ABCC9: variants seen among roughly 807,000 people sequenced by gnomAD.
The protein encoded by ABCC9 is ATP binding cassette subfamily C member 9, also known as ATP-binding cassette sub-family C member 9.
Under a neutral mutation model 188.3 loss-of-function variants are expected in ABCC9, and 95 were observed. The ratio of observed to expected loss-of-function variants is 0.50; its 90% CI spans 0.43 to 0.60. The LOEUF (loss-of-function observed/expected upper bound fraction) is 0.60. Ranked by LOEUF, ABCC9 falls within the 20% of genes least tolerant of loss-of-function variation. The probability of loss-of-function intolerance (pLI) is 0.00; values close to 1 mark genes in which losing one functional copy is unlikely to be tolerated. For synonymous variants in ABCC9, 659 were observed against 652.7 expected, an observed-to-expected ratio of 1.01 and a Z score of -0.15; for missense variants, 1,102 against 1,876.3, an observed-to-expected ratio of 0.59 and a Z score of 7.62.
intron 12 of ABCC9, among the ~76,000 whole-genome samples, chr12:21,895,882 T>C (rs758696927): frequency 2.6e-5 from 4 of 152,090 alleles, no homozygotes; most frequent in African/African-American, 4.8e-5. Context: ...ATATGCCTAG[T>C]TGAAATAAGA....
chr12:21,903,724 G>T (rs1947887508), intron 12 of ABCC9, among the ~76,000 whole-genome samples: 1 of 152,026 alleles, frequency 6.6e-6, no homozygotes, highest in South Asian at 2.1e-4. Context: ...AACCTACAAG[G>T]GATATGAAGG....
chr12:21,831,657 A>C (rs1334183652), intron 30 of ABCC9, among the ~76,000 whole-genome samples: 1 of 152,222 alleles, frequency 6.6e-6, no homozygotes, highest in Non-Finnish European at 1.5e-5. Flanking sequence ...CACAAAGGAC[A>C]AGGAAGATAA....
intron 30 of ABCC9, among the ~76,000 whole-genome samples, chr12:21,834,687 A>G (rs11046203): frequency 0.052 from 7,859 of 151,770 alleles, 662 homozygotes; most frequent in African/African-American, 0.17. Flanking sequence ...GTCTTTTTCC[A>G]TCCATCTGTT....
At chr12:21,935,756 C>T (rs1370164357) in intron 3 of ABCC9, among the ~76,000 whole-genome samples, 4 of 151,822 alleles carry the variant, frequency 2.6e-5, no homozygotes, top group East Asian at 1.9e-4. Flanking sequence ...TTTAGATGAG[C>T]GTTGGTAGGC....
chr12:21,857,859 A>T (rs1945304539), intron 22 of ABCC9, among the ~76,000 whole-genome samples: 1 of 152,190 alleles, frequency 6.6e-6, no homozygotes, highest in African/African-American at 2.4e-5. Context: ...AATCTATAGA[A>T]GTATAAGATA....
chr12:21,890,344 A>G (rs1439374713), intron 14 of ABCC9, among the ~76,000 whole-genome samples: 2 of 152,108 alleles, frequency 1.3e-5, no homozygotes, highest in African/African-American at 4.8e-5. Context: ...CTCGAGCTTC[A>G]TGCCTTGATA....
chr12:21,914,900 CTTTT>C (rs377103461), intron 7 of ABCC9, among the ~76,000 whole-genome samples: 5 of 134,990 alleles, frequency 3.7e-5, no homozygotes, highest in Admixed American at 1.5e-4. Flanking sequence ...GCTTTGTGTC[CTTTT>C]TTTTTTTTTT....
At chr12:21,905,373 C>A (rs1947989853) in intron 12 of ABCC9, among the ~76,000 whole-genome samples, 1 of 151,506 alleles carries the variant, frequency 6.6e-6, no homozygotes, top group African/African-American at 2.4e-5. Flanking sequence ...TGTAACAAAC[C>A]TGCACATTGT....
chr12:21,802,191 T>C (rs2137085745), intron 39 of ABCC9, among the ~76,000 whole-genome samples: 1 of 152,324 alleles, frequency 6.6e-6, no homozygotes, highest in South Asian at 2.1e-4. Context: ...TCTGTAAAAT[T>C]ATGGTATAGT....
chr12:21,887,991 G>A, intron 14 of ABCC9, 57 bp from the exon 15 acceptor site: 1 of 1,310,426 alleles, frequency 7.6e-7, no homozygotes, highest in South Asian at 1.2e-5. Flanking sequence ...CACCAACAAA[G>A]TGCTACCTAA....
intron 18 of ABCC9, chr12:21,869,784 TGAGATA>T (rs532015982): frequency 8.5e-5 from 13 of 152,200 alleles, no homozygotes; most frequent in Non-Finnish European, 1.9e-4. Flanking sequence ...TGTAACCGCA[TGAGATA>T]GAGACTTGTC....
intron 17 of ABCC9, 60 bp downstream of exon 17, chr12:21,875,594 T>G (rs1389056425): frequency 7.9e-7 from 1 of 1,259,868 alleles, no homozygotes; most frequent in Admixed American, 1.7e-5. Flanking sequence ...CTCAATTATC[T>G]TGGAAAACTA....
chr12:21,824,187 GT>G (rs1555181451), intron 31 of ABCC9, among the ~76,000 whole-genome samples: 1 of 152,098 alleles, frequency 6.6e-6, no homozygotes, highest in Non-Finnish European at 1.5e-5. Context: ...TTTTTTGAGC[GT>G]TTTTAGCATG....
At chr12:21,884,634 G>C (rs1946784307) in intron 15 of ABCC9, among the ~76,000 whole-genome samples, 1 of 152,066 alleles carries the variant, frequency 6.6e-6, no homozygotes, top group African/African-American at 2.4e-5. Context: ...CCATCAACTG[G>C]TGTATCAAGA....
At chr12:21,857,515 C>T (rs1049732628) in intron 22 of ABCC9, among the ~76,000 whole-genome samples, 10 of 152,080 alleles carry the variant, frequency 6.6e-5, no homozygotes, top group Non-Finnish European at 1.5e-4. Context: ...TGGTCCTAAT[C>T]CCCAGAACCT....
At chr12:21,806,154 T>G in intron 38 of ABCC9, 94 bp from the exon 39 acceptor site, 1 of 1,114,514 alleles carries the variant, frequency 9.0e-7, no homozygotes, top group African/African-American at 1.5e-5. Context: ...GAATCCCTTG[T>G]GAGCATTCTC....
chr12:21,884,274 A>G (rs1946769593), intron 15 of ABCC9, among the ~76,000 whole-genome samples: 1 of 152,002 alleles, frequency 6.6e-6, no homozygotes, highest in South Asian at 2.1e-4. Flanking sequence ...GGTTCTGCCT[A>G]TGTTGCCCAG....
intron 22 of ABCC9, among the ~76,000 whole-genome samples, chr12:21,858,447 TATGC>T (rs1945339245): frequency 6.6e-6 from 1 of 151,188 alleles, no homozygotes; most frequent in Admixed American, 6.6e-5. Flanking sequence ...AGTATGGTGG[TATGC>T]ACCTGTAATC....
At chr12:21,888,283 A>C (rs1028264893) in intron 14 of ABCC9, among the ~76,000 whole-genome samples, 1 of 152,180 alleles carries the variant, frequency 6.6e-6, no homozygotes, top group Non-Finnish European at 1.5e-5. Flanking sequence ...CAGGGTGGTT[A>C]AAAATAACAC....
Sources: gnomAD v4.1 joint callset for allele counts (sites outside exome capture counted in the v4.1 genomes callset) on GRCh38, gnomAD v4.1.1 for gene constraint, MANE v1.5 for transcripts, NCBI Gene and HGNC (gene_info 2026-07-23, HGNC 2026-07-21) for gene names.